The following CACNA1C variants were observed in gnomAD, a reference collection of about 807,000 sequenced individuals.
The protein encoded by CACNA1C is calcium voltage-gated channel subunit alpha1 C.
CACNA1C carries 30 observed loss-of-function variants against 229.0 expected under a neutral mutation model. The ratio of observed to expected loss-of-function variants is 0.13; its 90% confidence interval spans 0.10 to 0.18. The LOEUF is 0.18. CACNA1C is among the 10% of genes least tolerant of loss of function. The pLI is 1.00. For synonymous variants in CACNA1C, 1,114 were observed against 1,132.5 expected (o/e 0.98, Z 0.33); for missense variants, 1,658 against 2,845.0 (o/e 0.58, Z 9.49).
chr12:2,069,281 CAG>C (rs2060389360), intron 1 of CACNA1C, among the ~76,000 whole-genome samples: 1 of 152,138 alleles, frequency 6.6e-6, no homozygotes, highest in South Asian at 2.1e-4. Context: ...AAATGGCAAT[CAG>C]GGTCATCAAC....
intron 9 of CACNA1C, among the ~76,000 whole-genome samples, chr12:2,538,799 C>G (rs761764982): frequency 2.0e-5 from 3 of 152,222 alleles, no homozygotes; most frequent in Non-Finnish European, 4.4e-5. Context: ...TAAGGAATAA[C>G]TTTCCAAGTT....
intron 3 of CACNA1C, among the ~76,000 whole-genome samples, chr12:2,263,598 C>T (rs1012004468): frequency 6.6e-6 from 1 of 151,852 alleles, no homozygotes; most frequent in African/African-American, 2.4e-5. Context: ...CAGATGTTAG[C>T]AGCTTGGACC....
chr12:2,119,205 T>C lies in CACNA1C; in HGVS notation c.372-1120T>C, dbSNP rs1037042831. ...TAGACTAGATCATCTCTAAGGTCTC[T>C]TTCTGCCTCAATATTCACTAACTTT... On this transcript the variant is annotated intron_variant, in intron 2 of 46. Coordinates refer to ENST00000399655, the MANE Select transcript of CACNA1C (RefSeq NM_000719.7). Among the ~76,000 whole-genome samples the C allele has an allele frequency of 4.6e-5, 7 of 152,348 alleles. No individual in the cohort carries two copies. In the East Asian group the frequency reaches 1.4e-3, roughly 29 times the overall value.
chr12:2,485,869 C>T (rs989925734), intron 5 of CACNA1C, among the ~76,000 whole-genome samples: 2 of 152,210 alleles, frequency 1.3e-5, no homozygotes, highest in Non-Finnish European at 2.9e-5. Flanking sequence ...GGAAGTACAG[C>T]AGCTGCCAGT....
At position 2,694,645 on chromosome 12, in the gene CACNA1C, AG is replaced by A. The variant is rs2153899900; in HGVS notation, c.*3447del. The A allele has an allele frequency of 6.6e-6, 1 of 152,338 alleles. No homozygotes were observed. Among genetic ancestry groups the A allele is most frequent in the Non-Finnish European group, 1.5e-5 (1 of 68,048 alleles). The allele number at this position is 152,338 out of a possible 1,614,324, so 9.4% of individuals were successfully genotyped here. On this transcript the variant is annotated 3_prime_UTR_variant, in exon 47 of 47. Coordinates refer to ENST00000399655, the MANE Select transcript of CACNA1C (RefSeq NM_000719.7). ...TTCCAAATTCCAGGTGCTTGTCTGGAGTGAAGCTACCCGTTACTTTCTCCCA... is the reference window on the plus strand; with the variant it reads ...TTCCAAATTCCAGGTGCTTGTCTGGATGAAGCTACCCGTTACTTTCTCCCA...
chr12:2,038,066 C>T (rs2049446159), intron 1 of CACNA1C, among the ~76,000 whole-genome samples: 1 of 152,112 alleles, frequency 6.6e-6, no homozygotes, highest in African/African-American at 2.4e-5. Flanking sequence ...CCTTCACTCC[C>T]TCCCAAAAGC....
At chr12:2,406,048 C>A (rs960500622) in intron 3 of CACNA1C, among the ~76,000 whole-genome samples, 1 of 152,224 alleles carries the variant, frequency 6.6e-6, no homozygotes, top group African/African-American at 2.4e-5. Flanking sequence ...TTGGTTGACA[C>A]TTTCCTTCAT....
intron 8 of CACNA1C, among the ~76,000 whole-genome samples, chr12:2,510,658 G>A (rs143542712): frequency 6.3e-4 from 96 of 152,270 alleles, no homozygotes; most frequent in African/African-American, 2.0e-3. Flanking sequence ...AAGAAGGATG[G>A]GAAGGTGTTT....
chr12:2,175,902 T>C (rs2154270426), intron 3 of CACNA1C, among the ~76,000 whole-genome samples: 1 of 152,336 alleles, frequency 6.6e-6, no homozygotes, highest in South Asian at 2.1e-4. Context: ...CAAGTATTTA[T>C]TGAGTTCCTG....
At chr12:2,190,250 G>T (rs912547315) in intron 3 of CACNA1C, among the ~76,000 whole-genome samples, 55 of 152,196 alleles carry the variant, frequency 3.6e-4, no homozygotes, top group African/African-American at 1.3e-3. Context: ...TTAAACAAAA[G>T]ATTTCAAAAT....
chr12:2,259,128 G>T lies in CACNA1C; in HGVS notation c.477+138698G>T, dbSNP rs1487486915. Among the ~76,000 whole-genome samples the T allele has an allele frequency of 2.0e-5, 3 of 152,170 alleles. No homozygotes were observed. The East Asian group carries it at 5.8e-4, about 29-fold the overall frequency. ...TTTCTTTTCCATTTAAGGAAAGGTA[G>T]CTTAAAGCAGTGGTTCTCAGAATAT... On this transcript the variant is annotated intron_variant, in intron 3 of 46. Transcript: ENST00000399655.
chr12:2,206,081 C>A (rs1198760509), intron 3 of CACNA1C, among the ~76,000 whole-genome samples: 1 of 152,080 alleles, frequency 6.6e-6, no homozygotes, highest in Non-Finnish European at 1.5e-5. Context: ...GTGGGAATTA[C>A]CCTGATTTGA....
intron 30 of CACNA1C, among the ~76,000 whole-genome samples, chr12:2,637,044 C>T (rs1431533638): frequency 2.0e-5 from 3 of 152,138 alleles, no homozygotes; most frequent in African/African-American, 7.2e-5. Context: ...TGATGGCTTC[C>T]GAACCAAAAG....
intron 3 of CACNA1C, among the ~76,000 whole-genome samples, chr12:2,347,444 A>G (rs2097076585): frequency 6.6e-6 from 1 of 152,230 alleles, no homozygotes; most frequent in Non-Finnish European, 1.5e-5. Context: ...GGGGAAAGGA[A>G]ATTAGGCTCC....
intron 1 of CACNA1C, among the ~76,000 whole-genome samples, chr12:2,060,850 A>G (rs1201424900): frequency 6.6e-6 from 1 of 152,242 alleles, no homozygotes; most frequent in Non-Finnish European, 1.5e-5. Flanking sequence ...CAGTGAATGA[A>G]TGTTCTTCTC....
At chr12:2,634,994 G>C (rs760428677) in intron 30 of CACNA1C, among the ~76,000 whole-genome samples, 18 of 152,206 alleles carry the variant, frequency 1.2e-4, no homozygotes, top group Admixed American at 2.0e-4. Flanking sequence ...GTCCCTGCAG[G>C]CTCATTTGGA....
chr12:2,459,167 G>GT (rs2099475575), intron 5 of CACNA1C, among the ~76,000 whole-genome samples: 1 of 100,148 alleles, frequency 1.0e-5, no homozygotes, highest in Admixed American at 9.7e-5. Flanking sequence ...TTTTTTGTGT[G>GT]TGTTTTTTTT....
At position 2,521,457 on chromosome 12, in the gene CACNA1C, TG is replaced by T. The variant is rs542622840; in HGVS notation, c.1390+8478del. On this transcript the variant is annotated intron_variant, in intron 9 of 46. Coordinates refer to ENST00000399655, the MANE Select transcript of CACNA1C (RefSeq NM_000719.7). ...TTAGCTCTTGAACTGCCAGGCACAC[TG>T]GGGGTCCTTGGCAGGGTGTGGAGCA... Among the ~76,000 whole-genome samples, 11 of 152,274 alleles carry T rather than the reference TG, an allele frequency of 7.2e-5. No homozygotes were observed. The South Asian group carries it at 2.3e-3, about 32-fold the overall frequency.
intron 43 of CACNA1C, among the ~76,000 whole-genome samples, chr12:2,685,151 C>G (rs547267196): frequency 6.6e-6 from 1 of 152,230 alleles, no homozygotes; most frequent in East Asian, 1.9e-4. Flanking sequence ...TGATGAGAAG[C>G]TGTCAAATCT....
Sources: gnomAD v4.1 joint callset for allele counts (sites outside exome capture counted in the v4.1 genomes callset) on GRCh38, gnomAD v4.1.1 for gene constraint, MANE v1.5 for transcripts, NCBI Gene and HGNC (gene_info 2026-07-23, HGNC 2026-07-21) for gene names.